HS6ST2: variants seen among roughly 807,000 people sequenced by gnomAD.
HS6ST2 encodes the protein heparan-sulfate 6-O-sulfotransferase 2.
HS6ST2 carries 17 observed loss-of-function variants against 33.0 expected under a neutral mutation model. That is an observed-to-expected ratio of 0.52 (90% confidence interval 0.35 to 0.77). The LOEUF is 0.77. Among genes scored for constraint, HS6ST2 ranks in the 30% least tolerant of loss-of-function variants. The pLI, the probability that HS6ST2 is intolerant of heterozygous loss-of-function variation, is 0.01. For missense variants in HS6ST2, 519 were observed against 551.7 expected (o/e 0.94, Z 0.59); for synonymous variants, 248 against 237.1 (o/e 1.05, Z -0.42).
chrX:132,773,810 C>T, intron 2 of HS6ST2, among the ~76,000 whole-genome samples: 1 of 111,512 alleles, frequency 9.0e-6, no homozygotes. Context: ...TTTGTGACCA[C>T]CAAAAGCTGG....
At chrX:132,760,183 C>A (rs921665584) in intron 2 of HS6ST2, among the ~76,000 whole-genome samples, 7 of 111,172 alleles carry the variant, frequency 6.3e-5, no homozygotes, top group Non-Finnish European at 1.3e-4. Flanking sequence ...GTGACTACAG[C>A]ATTGGCCACC....
intron 2 of HS6ST2, among the ~76,000 whole-genome samples, chrX:132,931,407 G>A (rs1044315338): frequency 1.8e-5 from 2 of 111,865 alleles, no homozygotes; most frequent in African/African-American, 3.3e-5. Context: ...TTATAGGATG[G>A]AGACTGTACT....
At position 132,923,980 on chromosome X, in the gene HS6ST2, G is replaced by A. The variant is rs191483184; in HGVS notation, c.947+32828C>T. 4.5e-5 allele frequency among the ~76,000 whole-genome samples: 5 copies of A among 111,889 alleles called. No homozygotes were observed. The East Asian group carries it at 8.4e-4, about 19-fold the overall frequency. ...CCTTTCAAGCATCCAATGCTAGCCC[G>A]CATATCTTGTAGTCTAAAAAAAATG... On this transcript the variant is annotated intron_variant, in intron 2 of 4. Transcript: ENST00000370833.
At chrX:132,842,640 G>T (rs1602739003) in intron 2 of HS6ST2, among the ~76,000 whole-genome samples, 2 of 111,442 alleles carry the variant, frequency 1.8e-5, no homozygotes, top group African/African-American at 6.5e-5. Context: ...TGAAGGCAGG[G>T]GCCTTTCCAG....
At chrX:132,675,088 A>C (rs1769291167) in intron 3 of HS6ST2, among the ~76,000 whole-genome samples, 1 of 111,595 alleles carries the variant, frequency 9.0e-6, no homozygotes, top group South Asian at 3.8e-4. Flanking sequence ...CTGCCAGTGA[A>C]AGAGAGAGTA....
rs199708858 is a variant in HS6ST2 at position 132,637,809 on chromosome X, T to TATAA, written c.1068-8717_1068-8716insTTAT. Among the ~76,000 whole-genome samples the TATAA allele has an allele frequency of 1.8e-4, 11 of 62,693 alleles. 1 individual carries two copies. In the South Asian group the frequency reaches 5.2e-3, roughly 30 times the overall value. The allele number at this position is 62,693 out of a possible 115,157, so 54.4% of individuals were successfully genotyped here. On this transcript the variant is annotated intron_variant, in intron 4 of 4. Transcript: ENST00000370833. ...TATTTTATATATATAATATTATATATTATTTTATATATATAATATTATATA... is the reference window on the plus strand; with the variant it reads ...TATTTTATATATATAATATTATATATATAATATTTTATATATATAATATTATATA...
chrX:132,806,401 C>G (rs1202448844), intron 2 of HS6ST2, among the ~76,000 whole-genome samples: 1 of 109,472 alleles, frequency 9.1e-6, no homozygotes, highest in Non-Finnish European at 1.9e-5. Flanking sequence ...TTGTAAATCA[C>G]TCTCCACACA....
At chrX:132,799,210 A>T (rs926969639) in intron 2 of HS6ST2, among the ~76,000 whole-genome samples, 4 of 110,786 alleles carry the variant, frequency 3.6e-5, no homozygotes, top group South Asian at 7.9e-4. Flanking sequence ...TTATCTGATT[A>T]AAAATGTCTC....
chrX:132,659,673 G>C (rs932847571), intron 4 of HS6ST2, among the ~76,000 whole-genome samples: 1 of 111,456 alleles, frequency 9.0e-6, no homozygotes, highest in Non-Finnish European at 1.9e-5. Flanking sequence ...TCTTCAGAAG[G>C]GGTAGATGAA....
chrX:132,825,084 G>A (rs1449180190), intron 2 of HS6ST2, among the ~76,000 whole-genome samples: 1 of 112,007 alleles, frequency 8.9e-6, no homozygotes, highest in Non-Finnish European at 1.9e-5. Flanking sequence ...ATTGGGTGGA[G>A]AGAGTCCTGA....
At chrX:132,839,119 C>A (rs2065677772) in intron 2 of HS6ST2, among the ~76,000 whole-genome samples, 1 of 104,941 alleles carries the variant, frequency 9.5e-6, no homozygotes, top group African/African-American at 3.5e-5. Flanking sequence ...ATCCAGCAAT[C>A]CTACTACTGT....
chrX:132,919,929 G>A (rs753641883), intron 2 of HS6ST2, among the ~76,000 whole-genome samples: 29 of 111,984 alleles, frequency 2.6e-4, no homozygotes, highest in Non-Finnish European at 5.3e-4. Flanking sequence ...CCAGCTGTAA[G>A]CATTAGTCAG....
At chrX:132,671,250 C>T (rs1166337310) in intron 3 of HS6ST2, among the ~76,000 whole-genome samples, 1 of 111,651 alleles carries the variant, frequency 9.0e-6, no homozygotes, top group South Asian at 3.8e-4. Flanking sequence ...CACTCTTGCA[C>T]CCTGGTCACT....
At chrX:132,934,786 G>T (rs2066807372) in intron 2 of HS6ST2, among the ~76,000 whole-genome samples, 1 of 111,425 alleles carries the variant, frequency 9.0e-6, no homozygotes, top group South Asian at 3.7e-4. Flanking sequence ...GTTAAATGTA[G>T]ATGGATGAAA....
intron 2 of HS6ST2, among the ~76,000 whole-genome samples, chrX:132,829,367 T>C (rs2065564941): frequency 9.3e-6 from 1 of 107,844 alleles, no homozygotes; most frequent in Admixed American, 1.0e-4. Context: ...GCTGCTCAGA[T>C]AGATCAATCT....
intron 2 of HS6ST2, among the ~76,000 whole-genome samples, chrX:132,745,094 T>C (rs1312693393): frequency 1.8e-5 from 2 of 111,463 alleles, no homozygotes; most frequent in Non-Finnish European, 3.8e-5. Flanking sequence ...TTTTTTATTA[T>C]TATTTTTTTG....
intron 2 of HS6ST2, among the ~76,000 whole-genome samples, chrX:132,827,902 C>T (rs1350548588): frequency 9.0e-6 from 1 of 111,594 alleles, no homozygotes; most frequent in Non-Finnish European, 1.9e-5. Flanking sequence ...GAAAGGATAG[C>T]TTTCACGGAA....
At position 132,949,783 on chromosome X, in the gene HS6ST2, A is replaced by G. The variant is rs1387786048; in HGVS notation, c.947+7025T>C. On this transcript the variant is annotated intron_variant, in intron 2 of 4. Transcript: ENST00000370833. ...AAATAAATCACTAATAGATCTATTT[A>G]TATTCTATTATTTTTTTCTTCCAGT... 3.6e-5 allele frequency among the ~76,000 whole-genome samples: 4 copies of G among 111,773 alleles called. No homozygotes were observed. In the East Asian group the frequency reaches 1.1e-3, roughly 31 times the overall value.
chrX:132,818,230 G>C (rs867544906), intron 2 of HS6ST2, among the ~76,000 whole-genome samples: 4 of 111,256 alleles, frequency 3.6e-5, no homozygotes, highest in African/African-American at 9.8e-5. Flanking sequence ...CGATGCAAGA[G>C]AGCGGTTAAA....
Sources: gnomAD v4.1 joint callset for allele counts (sites outside exome capture counted in the v4.1 genomes callset) on GRCh38, gnomAD v4.1.1 for gene constraint, MANE v1.5 for transcripts, NCBI Gene and HGNC (gene_info 2026-07-23, HGNC 2026-07-21) for gene names.